MACROH2A1: variants seen among roughly 807,000 people sequenced by gnomAD.
MACROH2A1 encodes core histone macro-H2A.1.
A neutral mutation model predicts 31.6 loss-of-function variants in MACROH2A1; 2 were observed. That is an observed-to-expected ratio of 0.06 (90% CI 0.03 to 0.20). The LOEUF (loss-of-function observed/expected upper bound fraction) is 0.20. Among genes scored for constraint, MACROH2A1 ranks in the 10% least tolerant of loss-of-function variants. The pLI, the probability that MACROH2A1 is intolerant of heterozygous loss-of-function variation, is 1.00. For synonymous variants in MACROH2A1, 169 were observed against 189.6 expected (o/e 0.89, Z 0.89); for missense variants, 230 against 474.0 (o/e 0.49, Z 4.78).
intron 5 of MACROH2A1, chr5:135,356,810 A>T (rs753125620): frequency 6.6e-6 from 1 of 152,214 alleles, no homozygotes; most frequent in Non-Finnish European, 1.5e-5. Context: ...CTTTTAAAAA[A>T]ATATGATTAG....
intron 4 of MACROH2A1, among the ~76,000 whole-genome samples, chr5:135,367,342 G>A (rs1345394232): frequency 6.6e-6 from 1 of 152,128 alleles, no homozygotes; most frequent in African/African-American, 2.4e-5. Flanking sequence ...TTATTGTGTG[G>A]AAGAAAAACA....
chr5:135,344,447 A>T (rs1760486474), intron 7 of MACROH2A1: 1 of 151,738 alleles, frequency 6.6e-6, no homozygotes, highest in Admixed American at 6.6e-5. Context: ...CTGGAGAAGG[A>T]GCGATTTGTG....
intron 4 of MACROH2A1, among the ~76,000 whole-genome samples, chr5:135,365,556 T>C (rs1763400131): frequency 6.6e-6 from 1 of 152,200 alleles, no homozygotes; most frequent in East Asian, 1.9e-4. Context: ...GGCAGGGACT[T>C]TGTTCTCTGC....
At chr5:135,356,022 G>C (rs1762132892) in intron 5 of MACROH2A1, 1 of 152,148 alleles carries the variant, frequency 6.6e-6, no homozygotes, top group African/African-American at 2.4e-5. Context: ...TTTCTGGGAG[G>C]AATAAGGATC....
intron 2 of MACROH2A1, among the ~76,000 whole-genome samples, chr5:135,387,917 T>A (rs1192472433): frequency 6.6e-6 from 1 of 151,990 alleles, no homozygotes; most frequent in African/African-American, 2.4e-5. Flanking sequence ...CAGAAACTGA[T>A]GGAGACATGG....
chr5:135,362,122 G>A (rs964985276), intron 4 of MACROH2A1: 7 of 152,190 alleles, frequency 4.6e-5, no homozygotes, highest in Non-Finnish European at 2.9e-5. Flanking sequence ...AGGAAAGGCT[G>A]CATAACAGAC....
intron 1 of MACROH2A1, among the ~76,000 whole-genome samples, chr5:135,390,042 G>T (rs556020640): frequency 2.0e-5 from 3 of 152,338 alleles, no homozygotes; most frequent in Admixed American, 2.0e-4. Flanking sequence ...TCTAGGCCTG[G>T]CACACATGTC....
chr5:135,376,615 G>A (rs989008319), intron 2 of MACROH2A1, among the ~76,000 whole-genome samples: 2 of 152,166 alleles, frequency 1.3e-5, no homozygotes, highest in East Asian at 1.9e-4. Context: ...GTGAGAGCCC[G>A]GGGTCTGCTG....
chr5:135,365,868 G>A (rs2149825973), intron 4 of MACROH2A1, among the ~76,000 whole-genome samples: 1 of 152,316 alleles, frequency 6.6e-6, no homozygotes, highest in African/African-American at 2.4e-5. Context: ...CAATCTAAAA[G>A]TCCACTTGTA....
intron 5 of MACROH2A1, chr5:135,359,443 C>T (rs1762567184): frequency 2.0e-6 from 2 of 984,460 alleles, no homozygotes; most frequent in Non-Finnish European, 2.4e-6. Context: ...ACTAGTGCTA[C>T]TTTTTCTTTT....
At chr5:135,384,224 A>G (rs1438024739) in intron 2 of MACROH2A1, among the ~76,000 whole-genome samples, 1 of 152,064 alleles carries the variant, frequency 6.6e-6, no homozygotes, top group African/African-American at 2.4e-5. Flanking sequence ...CTCTCTACCC[A>G]CTTCTAGGAG....
intron 4 of MACROH2A1, among the ~76,000 whole-genome samples, chr5:135,363,881 T>C (rs1161230060): frequency 1.3e-5 from 2 of 152,234 alleles, no homozygotes; most frequent in African/African-American, 4.8e-5. Context: ...TGGTGTGAGA[T>C]GGTATCTCAT....
intron 4 of MACROH2A1, chr5:135,361,777 A>G (rs1405926539): frequency 2.0e-5 from 3 of 152,246 alleles, no homozygotes; most frequent in African/African-American, 7.2e-5. Flanking sequence ...TAACAGGAGC[A>G]TATTAACATT....
intron 1 of MACROH2A1, among the ~76,000 whole-genome samples, chr5:135,391,803 C>T (rs906932598): frequency 1.5e-4 from 23 of 152,234 alleles, no homozygotes; most frequent in African/African-American, 5.3e-4. Flanking sequence ...CCTGCAGAAC[C>T]TCTCAGGCCT....
In MACROH2A1 at chr5:135,398,597, GGGGCCGGCAACTCGC is replaced by G. The variant is rs1293304566; in HGVS notation, c.-34+450_-34+464del. On this transcript the variant is annotated intron_variant, in intron 1 of 8. Coordinates refer to ENST00000511689, the MANE Select transcript of MACROH2A1 (RefSeq NM_138610.3). The surrounding 1 kb of genome is among the most constrained non-coding windows in gnomAD (Gnocchi z 4.6). ...GGGCTCGGGCCCGACTTATTGTGCC[GGGGCCGGCAACTCGC>G]GGGCCGGCGGGGGCCTCACCAAGTA... Among the ~76,000 whole-genome samples the G allele has an allele frequency of 6.6e-6, 1 of 152,186 alleles. No homozygotes were observed. The highest frequency in any genetic ancestry group is 1.9e-4 in the East Asian group (1 of 5,164).
At chr5:135,375,592 T>C (rs771526478) in intron 2 of MACROH2A1, among the ~76,000 whole-genome samples, 4 of 152,250 alleles carry the variant, frequency 2.6e-5, no homozygotes, top group African/African-American at 4.8e-5. Context: ...AGGTGATGTG[T>C]TGAGGCTGAG....
At chr5:135,383,395 T>G (rs1765922395) in intron 2 of MACROH2A1, among the ~76,000 whole-genome samples, 1 of 152,208 alleles carries the variant, frequency 6.6e-6, no homozygotes, top group Admixed American at 6.5e-5. Flanking sequence ...ACAAAAGGCA[T>G]TAAGTGTCAG....
chr5:135,366,481 A>G (rs1357657139), intron 4 of MACROH2A1, among the ~76,000 whole-genome samples: 1 of 152,072 alleles, frequency 6.6e-6, no homozygotes, highest in Non-Finnish European at 1.5e-5. Flanking sequence ...ATGTTCTGCA[A>G]CCTGCCAAGA....
At chr5:135,358,328 A>C (rs113929446) in intron 5 of MACROH2A1, 1 of 985,452 alleles carries the variant, frequency 1.0e-6, no homozygotes, top group African/African-American at 1.7e-5. Flanking sequence ...AGGCTGACTT[A>C]AGATGCTGCT....
Sources: gnomAD v4.1 joint callset for allele counts (sites outside exome capture counted in the v4.1 genomes callset) on GRCh38, gnomAD v4.1.1 for gene constraint, Gnocchi (gnomAD v3.1) non-coding constraint, MANE v1.5 for transcripts, NCBI Gene and HGNC (gene_info 2026-07-23, HGNC 2026-07-21) for gene names.